The following SPATA18 variants were observed in gnomAD, a reference collection of about 807,000 sequenced individuals.
SPATA18 encodes mitochondria-eating protein.
SPATA18 carries 54 observed loss-of-function variants against 68.1 expected under a neutral mutation model. The observed-to-expected ratio is 0.79, with a 90% CI of 0.64 to 0.99. The LOEUF (loss-of-function observed/expected upper bound fraction) is 0.99. Ranked by LOEUF, SPATA18 falls within the 50% of genes least tolerant of loss-of-function variation. The pLI is 0.00. For missense variants in SPATA18, 724 were observed against 681.1 expected, an observed-to-expected ratio of 1.06 and a Z score of -0.70; for synonymous variants, 242 against 244.8, an observed-to-expected ratio of 0.99 and a Z score of 0.11.
chr4:52,069,832 CT>C lies in SPATA18; in HGVS notation c.435del (p.Glu146LysfsTer22). 1 of 1,575,128 alleles carries C rather than the reference CT, an allele frequency of 6.3e-7. No individual in the cohort carries two copies. Among genetic ancestry groups the C allele is most frequent in the Non-Finnish European group, 8.6e-7 (1 of 1,156,298 alleles). On this transcript the variant is annotated frameshift_variant, in exon 5 of 13. Transcript: ENST00000295213. LOFTEE classifies it high-confidence loss of function. ...GATTTATCTTACAGTCTGGTTGAAA[CT>C]GAAAAGAATCTTGAAGAAAGCAAGA... ...CNQVQDDLVE[T>X]EKNLEESKNR... is the part of the protein sequence containing the mutation.
chr4:52,075,846 C>T lies in SPATA18; in HGVS notation c.759-933C>T, dbSNP rs536593616. ...TGGACATGAGCTTCATCTGCCCAAG[C>T]TTGACCATATGCGTGACCTTTCTTC... On this transcript the variant is annotated intron_variant, in intron 6 of 12. Transcript: ENST00000295213. Among the ~76,000 whole-genome samples, 4 of 152,334 alleles carry T rather than the reference C, an allele frequency of 2.6e-5. No individual in the cohort carries two copies. The East Asian group carries it at 7.7e-4, about 29-fold the overall frequency.
chr4:52,078,108 T>TAA (rs11447541), intron 7 of SPATA18, among the ~76,000 whole-genome samples: 1,545 of 148,900 alleles, frequency 0.01, 10 homozygotes, highest in Non-Finnish European at 0.014. Flanking sequence ...TAAAGGGTTG[T>TAA]AAAAAAAAAA....
At chr4:52,091,224 G>A (rs924514471) in intron 11 of SPATA18, among the ~76,000 whole-genome samples, 1 of 151,884 alleles carries the variant, frequency 6.6e-6, no homozygotes, top group Non-Finnish European at 1.5e-5. Flanking sequence ...CCTTGCAGTG[G>A]GTTAGAACAT....
chr4:52,076,538 G>A (rs186365744), intron 6 of SPATA18, among the ~76,000 whole-genome samples: 3 of 152,292 alleles, frequency 2.0e-5, no homozygotes, highest in African/African-American at 7.2e-5. Context: ...AAATCGGACT[G>A]ATTTTTAAGA....
chr4:52,085,029 A>G lies in SPATA18; in HGVS notation c.1563+30A>G, dbSNP rs769792736. On this transcript the variant is annotated intron_variant, in intron 11 of 12. Transcript: ENST00000295213. ...ATATCTATCTAATCATTTTTACACAAAATTCATCTATGGTTGGCTTTTTTT... is the reference window on the plus strand; with the variant it reads ...ATATCTATCTAATCATTTTTACACAGAATTCATCTATGGTTGGCTTTTTTT... 4 of 1,547,232 alleles carry G rather than the reference A, an allele frequency of 2.6e-6. No homozygotes were observed. In the Admixed American group the frequency reaches 5.7e-5, roughly 22 times the overall value.
chr4:52,062,743 A>T (rs1455528231), intron 4 of SPATA18, among the ~76,000 whole-genome samples: 1 of 152,224 alleles, frequency 6.6e-6, no homozygotes, highest in East Asian at 1.9e-4. Context: ...AGGAGAATTA[A>T]GAGAAAGACA....
At chr4:52,081,384 C>A (rs1210877858) in intron 9 of SPATA18, among the ~76,000 whole-genome samples, 1 of 152,306 alleles carries the variant, frequency 6.6e-6, no homozygotes, top group Non-Finnish European at 1.5e-5. Context: ...TTCACCCTGG[C>A]AGCCTTTTGT....
chr4:52,076,754 C>T (rs1740383118), intron 6 of SPATA18, 25 bp from the exon 7 acceptor site: 1 of 1,607,440 alleles, frequency 6.2e-7, no homozygotes, highest in Non-Finnish European at 8.5e-7. Context: ...AAGGATTTCC[C>T]TGGCTGATTC....
chr4:52,066,714 C>A (rs189617892), intron 4 of SPATA18, among the ~76,000 whole-genome samples: 2 of 152,266 alleles, frequency 1.3e-5, no homozygotes, highest in Admixed American at 1.3e-4. Context: ...TCCCTGTGTT[C>A]CCGTTGTTCA....
intron 10 of SPATA18, chr4:52,082,939 T>A (rs1741076573): frequency 3.0e-6 from 3 of 985,416 alleles, no homozygotes; most frequent in Non-Finnish European, 3.6e-6. Flanking sequence ...TGTTTTTCTC[T>A]CCTTGGTATG....
rs751115710 is a variant in SPATA18, at chr4:52,078,923, T to A, written c.1179+30T>A. The stretch of plus-strand genomic sequence containing the variant: ...GTGTTGAGTCTTTTATTAGGACTGG[T>A]TTGCTGCTGCTGCTGCAGTTTATAT... On this transcript the variant is annotated intron_variant, in intron 8 of 12. Transcript: ENST00000295213. 5 of 1,530,276 alleles carry A rather than the reference T, an allele frequency of 3.3e-6. No homozygotes were observed. The East Asian group carries it at 9.2e-5, about 28-fold the overall frequency. 94.8% of individuals were successfully genotyped at this position (1,530,276 alleles called of 1,614,324 possible).
At position 52,060,896 on chromosome 4, in the gene SPATA18, A is replaced by T; in HGVS notation, c.308A>T (p.Gln103Leu). Residue 103 changes from glutamine to leucine, a missense_variant and splice_region_variant, in exon 3 of 13, where the codon CAG becomes CTG. Physicochemically the swap from Gln to Leu is moderately radical, Grantham distance 113 (BLOSUM62 -2). Coordinates refer to ENST00000295213, the MANE Select transcript of SPATA18 (RefSeq NM_145263.4). Reference protein sequence around the residue: ...KSVDSKVPSLQDTFDRERHKD... With the variant: ...KSVDSKVPSLLDTFDRERHKD... ...GTTGACAGCAAGGTCCCCTCTCTGC[A>T]GGTAGGGATGCTGAAGGATAACCCT... 4.3e-6 allele frequency: 7 copies of T among 1,611,996 alleles called. No homozygotes were observed. Among genetic ancestry groups the T allele is most frequent in the Non-Finnish European group, 5.9e-6 (7 of 1,178,184 alleles).
intron 10 of SPATA18, among the ~76,000 whole-genome samples, chr4:52,084,318 A>G (rs1419801326): frequency 6.6e-6 from 1 of 152,172 alleles, no homozygotes; most frequent in African/African-American, 2.4e-5. Context: ...CTTAAACCCT[A>G]AAACAAAATA....
rs116513029 is a variant in SPATA18, at chr4:52,085,236, A to G, written c.1563+237A>G. 6.0e-3 allele frequency among the ~76,000 whole-genome samples: 908 copies of G among 152,242 alleles called. 6 individuals carry two copies. Among genetic ancestry groups the G allele is most frequent in the African/African-American group, 0.021 (860 of 41,558 alleles). Reference sequence around the variant, plus strand: ...GTTCAAGGAATAGTAGATTTTATGTATTTCATAGTTTTATTTTTATCTTGG... The same window carrying G: ...GTTCAAGGAATAGTAGATTTTATGTGTTTCATAGTTTTATTTTTATCTTGG... On this transcript the variant is annotated intron_variant, in intron 11 of 12. Coordinates refer to ENST00000295213, the MANE Select transcript of SPATA18 (RefSeq NM_145263.4).
chr4:52,058,119 G>A (rs950937823), intron 1 of SPATA18, among the ~76,000 whole-genome samples: 1 of 152,196 alleles, frequency 6.6e-6, no homozygotes, highest in Admixed American at 6.5e-5. Flanking sequence ...GAATTAACGA[G>A]GAAGAAATGG....
chr4:52,080,888 T>A (rs1339070037), intron 9 of SPATA18, among the ~76,000 whole-genome samples: 3 of 152,214 alleles, frequency 2.0e-5, no homozygotes, highest in Admixed American at 2.0e-4. Context: ...TGAAAGCTTG[T>A]TGATGAGGGA....
At chr4:52,063,827 G>A (rs1362458959) in intron 4 of SPATA18, among the ~76,000 whole-genome samples, 1 of 152,084 alleles carries the variant, frequency 6.6e-6, no homozygotes, top group African/African-American at 2.4e-5. Flanking sequence ...TGGGTCCTGA[G>A]TTGTGCATGT....
chr4:52,054,875 G>GAA (rs753831176), intron 1 of SPATA18, among the ~76,000 whole-genome samples: 1 of 150,670 alleles, frequency 6.6e-6, no homozygotes, highest in Non-Finnish European at 1.5e-5. Context: ...TAGATAAAAA[G>GAA]AAAAAACCTT....
rs188708388 is a variant in SPATA18, at chr4:52,096,234, T to G, written c.*1347T>G. 5 of 152,278 alleles carry G rather than the reference T, an allele frequency of 3.3e-5. No homozygotes were observed. The East Asian group carries it at 9.7e-4, about 29-fold the overall frequency. 9.4% of individuals were successfully genotyped at this position (152,278 alleles called of 1,614,324 possible). A position where few individuals can be genotyped will look rare whatever the true frequency, so the allele number is the denominator to read the frequency against. On this transcript the variant is annotated 3_prime_UTR_variant, in exon 13 of 13. Coordinates refer to ENST00000295213, the MANE Select transcript of SPATA18 (RefSeq NM_145263.4). ...CCTCTTTGCATATTTACATTAGTCA[T>G]CACTTTGAAGCAATGCAGTGTGCTG... is the stretch of plus-strand genomic sequence containing the variant.
Sources: allele counts gnomAD v4.1 joint callset (sites outside exome capture counted in the v4.1 genomes callset), GRCh38; gene constraint gnomAD v4.1.1; transcripts MANE v1.5; gene names NCBI Gene and HGNC (gene_info 2026-07-23, HGNC 2026-07-21).